FAS: variants seen among roughly 807,000 people sequenced by gnomAD.
FAS encodes the protein Fas cell surface death receptor, also known as tumor necrosis factor receptor superfamily member 6.
In FAS, 5 loss-of-function variants were observed where a neutral mutation model predicts 33.2. That is an observed-to-expected ratio of 0.15 (90% CI 0.08 to 0.32). The LOEUF (loss-of-function observed/expected upper bound fraction) is 0.32, where lower values mean the gene tolerates loss of function less well. Ranked by LOEUF, FAS falls within the 10% of genes least tolerant of loss-of-function variation. The pLI is 1.00. For synonymous variants in FAS, 131 were observed against 130.7 expected, an observed-to-expected ratio of 1.00 and a Z score of -0.01; for missense variants, 339 against 386.0, an observed-to-expected ratio of 0.88 and a Z score of 1.02.
rs759674106 is a variant in FAS, at chr10:89,014,934, T to C, written c.*484T>C. The C allele has an allele frequency of 1.3e-5, 7 of 534,802 alleles. No individual in the cohort carries two copies. In the East Asian group the frequency reaches 1.6e-4, roughly 12 times the overall value. 33.1% of individuals were successfully genotyped at this position (534,802 alleles called of 1,614,324 possible). A position where few individuals can be genotyped will look rare whatever the true frequency, so the allele number is the denominator to read the frequency against. On this transcript the variant is annotated 3_prime_UTR_variant, in exon 9 of 9. Transcript: ENST00000652046. ...GAGATTTTACCATATTTCTAAACTT[T>C]GTTTATAACTCTGAGAAGATCATAT...
chr10:89,012,258 G>A, intron 7 of FAS, 177 bp downstream of exon 7: 2 of 576,928 alleles, frequency 3.5e-6, no homozygotes, highest in East Asian at 6.4e-5. Context: ...GCTCACTGCA[G>A]CCTCAAAGTC....
At chr10:89,011,974 TG>T (rs767389232) in intron 6 of FAS, 24 bp from the exon 7 acceptor site, 4 of 1,599,782 alleles carry the variant, frequency 2.5e-6, no homozygotes, top group Non-Finnish European at 3.4e-6. Context: ...AGACCTGAGT[TG>T]ATAAAATTTC....
chr10:88,993,620 T>C (rs973995026), intron 1 of FAS, among the ~76,000 whole-genome samples: 6 of 152,206 alleles, frequency 3.9e-5, no homozygotes, highest in Non-Finnish European at 8.8e-5. Context: ...AAGCTGTGTA[T>C]TTACAAGCAG....
chr10:89,001,504 T>C (rs1367185972), intron 1 of FAS, among the ~76,000 whole-genome samples: 1 of 151,628 alleles, frequency 6.6e-6, no homozygotes, highest in African/African-American at 2.4e-5. Context: ...CATTGAGCTG[T>C]TGCTCTATTT....
At chr10:88,997,097 T>G (rs986021528) in intron 1 of FAS, among the ~76,000 whole-genome samples, 1 of 152,242 alleles carries the variant, frequency 6.6e-6, no homozygotes, top group Non-Finnish European at 1.5e-5. Flanking sequence ...TATAAAACTC[T>G]TATATTCTCA....
intron 1 of FAS, among the ~76,000 whole-genome samples, chr10:88,967,062 C>T (rs1846331345): frequency 6.6e-6 from 1 of 152,158 alleles, no homozygotes; most frequent in African/African-American, 2.4e-5. Flanking sequence ...CATACTTTAG[C>T]CCCTAGAAAA....
intron 3 of FAS, among the ~76,000 whole-genome samples, chr10:89,008,444 C>T (rs1769839390): frequency 6.6e-6 from 1 of 152,186 alleles, no homozygotes; most frequent in African/African-American, 2.4e-5. Context: ...ATTAGAATTG[C>T]TTAGGGAGCT....
chr10:88,996,703 C>T (rs958739769), intron 1 of FAS, among the ~76,000 whole-genome samples: 1 of 152,082 alleles, frequency 6.6e-6, no homozygotes, highest in Non-Finnish European at 1.5e-5. Context: ...TAATTATCTT[C>T]CAAAATATGT....
At chr10:88,973,352 T>TCCA (rs748882409) in intron 2 of FAS, 16 of 1,491,280 alleles carry the variant, frequency 1.1e-5, no homozygotes, top group Non-Finnish European at 1.4e-5. Flanking sequence ...GATTAGGTAA[T>TCCA]CCAAGAATTG....
chr10:89,004,374 T>C (rs1848103053), intron 2 of FAS, among the ~76,000 whole-genome samples: 1 of 152,142 alleles, frequency 6.6e-6, no homozygotes, highest in Admixed American at 6.6e-5. Context: ...TTTTTTTTCT[T>C]ATTATTATAC....
intron 2 of FAS, 143 bp downstream of exon 2, chr10:89,003,337 T>A: frequency 1.1e-6 from 1 of 911,468 alleles, no homozygotes; most frequent in South Asian, 1.6e-5. Context: ...TATGAAATTA[T>A]TTTCCAAAGA....
chr10:89,008,738 G>A lies in FAS; in HGVS notation c.335-151G>A, dbSNP rs536162833. On this transcript the variant is annotated intron_variant, in intron 3 of 8. Coordinates refer to ENST00000652046, the MANE Select transcript of FAS (RefSeq NM_000043.6). ...ATTTCAACCTGGGGTTTCCTGTTCT[G>A]TGTTTAAACACTGACTGTATTACTG... 2.1e-5 allele frequency: 17 copies of A among 795,220 alleles called. No individual in the cohort carries two copies. In the South Asian group the frequency reaches 2.2e-4, roughly 10 times the overall value. 49.3% of individuals were successfully genotyped at this position (795,220 alleles called of 1,614,324 possible).
At chr10:89,001,530 G>A (rs540751844) in intron 1 of FAS, among the ~76,000 whole-genome samples, 1 of 151,512 alleles carries the variant, frequency 6.6e-6, no homozygotes, top group Admixed American at 6.6e-5. Context: ...CGTCATGCTA[G>A]ATCCGAGGGC....
At chr10:89,007,939 G>T in intron 3 of FAS, 102 bp downstream of exon 3, 2 of 1,561,062 alleles carry the variant, frequency 1.3e-6, no homozygotes, top group Admixed American at 3.3e-5. Flanking sequence ...GTGCTATGTT[G>T]ACACACAGGA....
At chr10:88,982,077 C>T (rs913506903), upstream of FAS, among the ~76,000 whole-genome samples, 7 of 152,198 alleles carry the variant, frequency 4.6e-5, no homozygotes, top group Non-Finnish European at 5.9e-5. Context: ...TTCAAGAAGG[C>T]AGTATGTTGT....
In FAS at chr10:89,014,228, C is replaced by A; in HGVS notation, c.786C>A (p.Ile262=). 1.2e-6 allele frequency: 2 copies of A among 1,613,882 alleles called. No homozygotes were observed. The highest frequency in any genetic ancestry group is 1.7e-6 in the Non-Finnish European group (2 of 1,179,908). ...TCAATGAAGCCAAAATAGATGAGAT[C>A]AAGAATGACAATGTCCAAGACACAG... ...NGVNEAKIDE[I]KNDNVQDTAE... The change falls in exon 9 of 9, where the codon ATC becomes ATA. Residue 262 remains isoleucine (I), a synonymous_variant. Coordinates refer to ENST00000652046, the MANE Select transcript of FAS (RefSeq NM_000043.6).
chr10:89,003,164 G>A lies in FAS; in HGVS notation c.166G>A (p.Gly56Ser). 1 of 1,614,094 alleles carries A rather than the reference G, an allele frequency of 6.2e-7. No homozygotes were observed. The highest frequency in any genetic ancestry group is 8.5e-7 in the Non-Finnish European group (1 of 1,179,982). Residue 56 changes from glycine (G) to serine (S), a missense_variant, in exon 2 of 9, where the codon GGC (glycine) becomes AGC (serine). Physicochemically the swap from Gly to Ser is moderately conservative, Grantham distance 56. Coordinates refer to ENST00000652046, the MANE Select transcript of FAS (RefSeq NM_000043.6). The stretch of plus-strand genomic sequence containing the variant: ...GAACTTGGAAGGCCTGCATCATGAT[G>A]GCCAATTCTGCCATAAGCCCTGTCC... The part of the protein sequence containing the change: ...TQNLEGLHHD[G>S]QFCHKPCPPG...
chr10:88,989,652 G>A (rs1005821518), upstream of FAS: 1 of 494,254 alleles, frequency 2.0e-6, no homozygotes, highest in Non-Finnish European at 4.0e-6. Flanking sequence ...CTAGATTTGA[G>A]GGCCCAAACA....
intron 6 of FAS, 160 bp downstream of exon 6, chr10:89,010,975 A>G (rs1848501638): frequency 7.4e-6 from 6 of 813,856 alleles, no homozygotes; most frequent in Non-Finnish European, 1.2e-5. Flanking sequence ...ACTGATAAGA[A>G]CAAATGAAAT....
Sources: allele counts gnomAD v4.1 joint callset (sites outside exome capture counted in the v4.1 genomes callset), GRCh38; gene constraint gnomAD v4.1.1; transcripts MANE v1.5; gene names NCBI Gene and HGNC (gene_info 2026-07-23, HGNC 2026-07-21).